The following SLC2A14 variants were observed in gnomAD, a reference collection of about 807,000 sequenced individuals.
SLC2A14 encodes the protein solute carrier family 2, facilitated glucose transporter member 14.
A neutral mutation model predicts 43.0 loss-of-function variants in SLC2A14; 13 were observed. That is an observed-to-expected ratio of 0.30 (90% CI 0.20 to 0.48). The LOEUF (loss-of-function observed/expected upper bound fraction) is 0.48. Ranked by LOEUF, SLC2A14 falls within the 20% of genes least tolerant of loss-of-function variation. The pLI is 0.99. For missense variants in SLC2A14, 428 were observed against 620.4 expected, an observed-to-expected ratio of 0.69 and a Z score of 3.29; for synonymous variants, 190 against 233.8, an observed-to-expected ratio of 0.81 and a Z score of 1.71.
intron 2 of SLC2A14, among the ~76,000 whole-genome samples, chr12:7,867,211 G>C (rs924677383): frequency 6.6e-6 from 1 of 150,436 alleles, no homozygotes; most frequent in Non-Finnish European, 1.5e-5. Context: ...CCCAGGAGGC[G>C]GAGCTTGCAG....
intron 7 of SLC2A14, among the ~76,000 whole-genome samples, chr12:7,822,314 C>A (rs1485678428): frequency 6.6e-6 from 1 of 151,966 alleles, no homozygotes; most frequent in Non-Finnish European, 1.5e-5. Context: ...ATTGTTGCTT[C>A]TAACTATGCT....
At chr12:7,850,003 T>G (rs1592246766) in intron 2 of SLC2A14, among the ~76,000 whole-genome samples, 1 of 145,082 alleles carries the variant, frequency 6.9e-6, no homozygotes, top group Non-Finnish European at 1.5e-5. Context: ...TACAATGTGG[T>G]GCTGGAGGGG....
At chr12:7,865,461 T>C (rs1055447804) in intron 2 of SLC2A14, among the ~76,000 whole-genome samples, 4 of 151,296 alleles carry the variant, frequency 2.6e-5, no homozygotes, top group Admixed American at 2.0e-4. Flanking sequence ...CTCTTGAACC[T>C]GGGAGGCGGA....
Position 7,821,257 on chromosome 12 carries a change from G to A in SLC2A14, c.933C>T (p.Ser311=), listed in dbSNP as rs746686521. ...GVQQPIYATI[S]AGVVNTIFTL... ...TGAAGATAGTATTAACCACACCCGC[G>A]CTGATGGTGGCATAGATGGGCTGTT... is the stretch of plus-strand genomic sequence containing the variant. The change falls in exon 8 of 11, where the codon AGC becomes AGT. Residue 311 remains serine, a synonymous_variant. Transcript: ENST00000431042. 41 of 1,613,782 alleles carry A rather than the reference G, an allele frequency of 2.5e-5. No homozygotes were observed. The highest frequency in any genetic ancestry group is 3.4e-5 in the Non-Finnish European group (40 of 1,179,930).
At chr12:7,826,824 T>A in intron 7 of SLC2A14, among the ~76,000 whole-genome samples, 1 of 57,598 alleles carries the variant, frequency 1.7e-5, no homozygotes, top group African/African-American at 5.4e-5. Flanking sequence ...CTTTTTTCTT[T>A]CTTTCTTTCT....
chr12:7,878,158 C>A (rs12815233), upstream of SLC2A14, among the ~76,000 whole-genome samples: 31,442 of 151,970 alleles, frequency 0.21, 3,888 homozygotes, highest in South Asian at 0.35. Context: ...TCAAGGAATC[C>A]TCTTGCCTCA....
chr12:7,830,926 C>T (rs1200521059), intron 4 of SLC2A14, among the ~76,000 whole-genome samples: 1 of 152,002 alleles, frequency 6.6e-6, no homozygotes, highest in East Asian at 1.9e-4. Flanking sequence ...GAGTTCGAGA[C>T]TAGCATGGCC....
Position 7,826,853 on chromosome 12 carries a change from C to CCTTCCTTCCTTTCTTTCTTTTTTCTTT in SLC2A14, c.864+641_864+642insAAAGAAAAAAGAAAGAAAGGAAGGAAG, listed in dbSNP as rs139542085. 1.2e-4 allele frequency among the ~76,000 whole-genome samples: 4 copies of CCTTCCTTCCTTTCTTTCTTTTTTCTTT among 34,428 alleles called. 1 individual carries two copies. Among genetic ancestry groups the CCTTCCTTCCTTTCTTTCTTTTTTCTTT allele is most frequent in the Non-Finnish European group, 2.5e-4 (4 of 16,280 alleles). 22.6% of individuals were successfully genotyped at this position (34,428 alleles called of 152,430 possible). A position where few individuals can be genotyped will look rare whatever the true frequency, so the allele number is the denominator to read the frequency against. On this transcript the variant is annotated intron_variant, in intron 7 of 10. Coordinates refer to ENST00000431042, the MANE Select transcript of SLC2A14 (RefSeq NM_001286234.2). Reference sequence around the variant, plus strand: ...TCTTTCTTTCCTTCCTTCCTTCCTTCCTTTCTTTTTTCTTTCTTTCTTTCT... The same window carrying CCTTCCTTCCTTTCTTTCTTTTTTCTTT: ...TCTTTCTTTCCTTCCTTCCTTCCTTCCTTCCTTCCTTTCTTTCTTTTTTCTTTCTTTCTTTTTTCTTTCTTTCTTTCT...
At chr12:7,840,162 T>C (rs1202328600) in intron 2 of SLC2A14, among the ~76,000 whole-genome samples, 1 of 1,772 alleles carries the variant, frequency 5.6e-4, no homozygotes, top group Non-Finnish European at 1.9e-3. Flanking sequence ...GTTTGCTCCT[T>C]TTTTTTTTTT....
chr12:7,832,964 C>G (rs750928696), intron 2 of SLC2A14, 150 bp from the exon 3 acceptor site: 3 of 667,150 alleles, frequency 4.5e-6, no homozygotes, highest in South Asian at 4.5e-5. Context: ...GGTAATTAAT[C>G]GGGAAGACAA....
At chr12:7,883,585 CTTTTCTTTTTTTTT>C (rs1945631039) in intron 1 of SLC2A14, among the ~76,000 whole-genome samples, 1 of 121,080 alleles carries the variant, frequency 8.3e-6, no homozygotes, top group Admixed American at 8.8e-5. Flanking sequence ...TTTTCTTTTT[CTTTTCTTTTTTTTT>C]TTTTTTTTTT....
At chr12:7,856,743 C>A (rs766112421) in intron 2 of SLC2A14, among the ~76,000 whole-genome samples, 2 of 152,040 alleles carry the variant, frequency 1.3e-5, no homozygotes, top group Non-Finnish European at 2.9e-5. Context: ...TACAAATTCT[C>A]GGCTCCACCC....
rs185717719 is a variant in SLC2A14, at chr12:7,817,370, C to T, written c.1275+461G>A. 5.9e-5 allele frequency among the ~76,000 whole-genome samples: 9 copies of T among 152,256 alleles called. No individual in the cohort carries two copies. In the East Asian group the frequency reaches 9.7e-4, roughly 16 times the overall value. ...CCTCAGGTGATCTGCCTGCCTCAGC[C>T]GCCCAAAGTGCTGGGATTACAGGAG... On this transcript the variant is annotated intron_variant, in intron 10 of 10. Coordinates refer to ENST00000431042, the MANE Select transcript of SLC2A14 (RefSeq NM_001286234.2).
intron 2 of SLC2A14, among the ~76,000 whole-genome samples, chr12:7,860,921 T>G (rs112540379): frequency 6.6e-6 from 1 of 151,820 alleles, no homozygotes; most frequent in South Asian, 2.1e-4. Flanking sequence ...GCCTCCCGAG[T>G]AGCTAGGATT....
At chr12:7,876,444 A>G (rs758388067), upstream of SLC2A14, among the ~76,000 whole-genome samples, 6 of 152,038 alleles carry the variant, frequency 3.9e-5, no homozygotes, top group Non-Finnish European at 4.4e-5. Flanking sequence ...CAGCCACCCA[A>G]ATCAAGTGTT....
chr12:7,855,699 A>ACAGTTTCAGCTCACTGCAACCT lies in SLC2A14; in HGVS notation c.18+14163_18+14164insAGGTTGCAGTGAGCTGAAACTG, dbSNP rs1555140972. 1.1e-4 allele frequency among the ~76,000 whole-genome samples: 9 copies of ACAGTTTCAGCTCACTGCAACCT among 82,412 alleles called. 1 individual carries two copies. Among genetic ancestry groups the ACAGTTTCAGCTCACTGCAACCT allele is most frequent in the Non-Finnish European group, 2.6e-4 (8 of 30,896 alleles). 54.1% of individuals were successfully genotyped at this position (82,412 alleles called of 152,430 possible). On this transcript the variant is annotated intron_variant, in intron 2 of 10. Coordinates refer to ENST00000431042, the MANE Select transcript of SLC2A14 (RefSeq NM_001286234.2). ...GATGCCCAGGCTGGAGTGCAGTTGCACGGCTTCAGCTCACTGCAACCTCCG... is the reference window on the plus strand; with the variant it reads ...GATGCCCAGGCTGGAGTGCAGTTGCACAGTTTCAGCTCACTGCAACCTCGGCTTCAGCTCACTGCAACCTCCG...
At chr12:7,834,360 T>C (rs1436085884) in intron 2 of SLC2A14, among the ~76,000 whole-genome samples, 2 of 151,688 alleles carry the variant, frequency 1.3e-5, no homozygotes, top group East Asian at 3.9e-4. Context: ...TTTTTAAAGG[T>C]TACAATTGGA....
At chr12:7,859,982 TACCA>T (rs1431946627) in intron 2 of SLC2A14, among the ~76,000 whole-genome samples, 1 of 152,136 alleles carries the variant, frequency 6.6e-6, no homozygotes, top group African/African-American at 2.4e-5. Context: ...GAGATGCTAT[TACCA>T]ACCAAAGAGC....
Position 7,837,268 on chromosome 12 carries a change from T to C in SLC2A14, c.19-4454A>G, listed in dbSNP as rs565812357. Among the ~76,000 whole-genome samples, 42 of 152,304 alleles carry C rather than the reference T, an allele frequency of 2.8e-4. No individual in the cohort carries two copies. The East Asian group carries it at 6.9e-3, about 25-fold the overall frequency. Reference sequence around the variant, plus strand: ...GTGCACATACTTTAAATGTATACAATTTTATTTGTCAATTATACTTCAGTG... The same window carrying C: ...GTGCACATACTTTAAATGTATACAACTTTATTTGTCAATTATACTTCAGTG... On this transcript the variant is annotated intron_variant, in intron 2 of 10. Coordinates refer to ENST00000431042, the MANE Select transcript of SLC2A14 (RefSeq NM_001286234.2).
Sources: allele counts gnomAD v4.1 joint callset (sites outside exome capture counted in the v4.1 genomes callset), GRCh38; gene constraint gnomAD v4.1.1; transcripts MANE v1.5; gene names NCBI Gene and HGNC (gene_info 2026-07-23, HGNC 2026-07-21).